PRICKLE1: variants seen among roughly 807,000 people sequenced by gnomAD.
The protein encoded by PRICKLE1 is prickle-like protein 1.
In PRICKLE1, 14 loss-of-function variants were observed where a neutral mutation model predicts 70.2. That is an observed-to-expected ratio of 0.20 (90% CI 0.13 to 0.31). PRICKLE1 has a LOEUF of 0.31. Among genes scored for constraint, PRICKLE1 ranks in the 10% least tolerant of loss-of-function variants. The pLI is 1.00. For synonymous variants in PRICKLE1, 357 were observed against 379.9 expected (o/e 0.94, Z 0.70); for missense variants, 821 against 1,026.2 (o/e 0.80, Z 2.73).
chr12:42,550,934 G>C (rs1194096044), intron 1 of PRICKLE1, among the ~76,000 whole-genome samples: 2 of 152,160 alleles, frequency 1.3e-5, no homozygotes, highest in African/African-American at 4.8e-5. Flanking sequence ...TGAGTGTTTG[G>C]TTAATTGCAA....
intron 1 of PRICKLE1, among the ~76,000 whole-genome samples, chr12:42,572,120 A>G (rs190647845): frequency 3.3e-5 from 5 of 152,258 alleles, no homozygotes; most frequent in African/African-American, 1.2e-4. Flanking sequence ...GGAACATTTA[A>G]GCACAGGAAC....
At chr12:42,560,814 AC>A (rs759402431) in intron 1 of PRICKLE1, among the ~76,000 whole-genome samples, 1 of 134,978 alleles carries the variant, frequency 7.4e-6, no homozygotes, top group Non-Finnish European at 1.6e-5. Flanking sequence ...ACACACACAC[AC>A]ACAAAACAAA....
chr12:42,521,175 T>TA (rs1939703337), intron 1 of PRICKLE1, among the ~76,000 whole-genome samples: 1 of 151,442 alleles, frequency 6.6e-6, no homozygotes, highest in African/African-American at 2.4e-5. Flanking sequence ...GACCCCGTCT[T>TA]AAAAAAAATA....
At chr12:42,507,357 T>C (rs1939438083) in intron 1 of PRICKLE1, among the ~76,000 whole-genome samples, 1 of 152,172 alleles carries the variant, frequency 6.6e-6, no homozygotes, top group Non-Finnish European at 1.5e-5. Context: ...ATTAAAACAA[T>C]GACTCTTACA....
chr12:42,553,406 T>C (rs988636616), intron 1 of PRICKLE1, among the ~76,000 whole-genome samples: 1 of 151,114 alleles, frequency 6.6e-6, no homozygotes, highest in African/African-American at 2.4e-5. Context: ...ATCACGCCAC[T>C]GCACTCCAGC....
intron 1 of PRICKLE1, among the ~76,000 whole-genome samples, chr12:42,523,099 T>C (rs1379591699): frequency 6.6e-6 from 1 of 152,066 alleles, no homozygotes; most frequent in Non-Finnish European, 1.5e-5. Context: ...GTAGCTGGGA[T>C]TACAGGCACC....
Position 42,528,930 on chromosome 12 carries a change from C to A in PRICKLE1, c.-48-56366G>T, listed in dbSNP as rs530673175. On this transcript the variant is annotated intron_variant, in intron 1 of 7. Coordinates refer to ENST00000345127, the MANE Select transcript of PRICKLE1 (RefSeq NM_153026.3). ...AATCCTTGTAGCACCTCAAATAATT[C>A]TTCATATGGAAACCAAAAGATGACT... 1.1e-4 allele frequency among the ~76,000 whole-genome samples: 16 copies of A among 152,294 alleles called. 1 individual carries two copies. The highest frequency in any genetic ancestry group is 3.6e-4 in the African/African-American group (15 of 41,570).
intron 1 of PRICKLE1, among the ~76,000 whole-genome samples, chr12:42,565,789 G>C (rs1330582229): frequency 6.6e-6 from 1 of 152,318 alleles, no homozygotes; most frequent in Non-Finnish European, 1.5e-5. Flanking sequence ...GGTGAGACAG[G>C]AGAGTGCTGA....
At chr12:42,582,678 A>G (rs1940922872) in intron 1 of PRICKLE1, among the ~76,000 whole-genome samples, 1 of 152,208 alleles carries the variant, frequency 6.6e-6, no homozygotes. Context: ...AAAGCAAAAC[A>G]ACATACCACA....
intron 1 of PRICKLE1, among the ~76,000 whole-genome samples, chr12:42,475,011 G>A (rs1220268135): frequency 1.3e-5 from 2 of 152,190 alleles, no homozygotes; most frequent in African/African-American, 4.8e-5. Flanking sequence ...TGTACTCCCT[G>A]ATTAGCCTTT....
intron 7 of PRICKLE1, among the ~76,000 whole-genome samples, chr12:42,463,329 G>A (rs879608505): frequency 6.6e-6 from 1 of 151,952 alleles, no homozygotes; most frequent in Non-Finnish European, 1.5e-5. Context: ...GGAAAAAAAA[G>A]AAAACATTAC....
chr12:42,498,069 T>C (rs899091721), intron 1 of PRICKLE1, among the ~76,000 whole-genome samples: 2 of 152,206 alleles, frequency 1.3e-5, no homozygotes, highest in African/African-American at 4.8e-5. Context: ...TCTTGAACTC[T>C]TAACTCTTAG....
At chr12:42,578,628 C>T (rs1431935510) in intron 1 of PRICKLE1, among the ~76,000 whole-genome samples, 4 of 115,722 alleles carry the variant, frequency 3.5e-5, no homozygotes, top group Non-Finnish European at 8.2e-5. Flanking sequence ...AACTCCACTT[C>T]AGCTGGGGGG....
intron 1 of PRICKLE1, among the ~76,000 whole-genome samples, chr12:42,588,207 G>C (rs1486382829): frequency 6.6e-6 from 1 of 152,136 alleles, no homozygotes; most frequent in East Asian, 1.9e-4. Context: ...TCTACACCTT[G>C]GGCCTGTCTG....
chr12:42,579,094 GCA>G (rs1311544281), intron 1 of PRICKLE1, among the ~76,000 whole-genome samples: 1 of 152,108 alleles, frequency 6.6e-6, no homozygotes, highest in Non-Finnish European at 1.5e-5. Flanking sequence ...CATTAAAATG[GCA>G]GTAGACAAAA....
chr12:42,534,477 A>T (rs975325702), intron 1 of PRICKLE1, among the ~76,000 whole-genome samples: 2 of 152,164 alleles, frequency 1.3e-5, no homozygotes, highest in Admixed American at 1.3e-4. Flanking sequence ...TATTATTATT[A>T]TCATTAACAA....
intron 1 of PRICKLE1, among the ~76,000 whole-genome samples, chr12:42,530,511 G>A (rs776124580): frequency 6.6e-6 from 1 of 151,862 alleles, no homozygotes; most frequent in Admixed American, 6.5e-5. Flanking sequence ...ACTACTCAGG[G>A]GATATGAGAG....
rs1219973739 is a variant in PRICKLE1, at chr12:42,458,454, A to G, written c.*1355T>C. On this transcript the variant is annotated 3_prime_UTR_variant, in exon 8 of 8. Coordinates refer to ENST00000345127, the MANE Select transcript of PRICKLE1 (RefSeq NM_153026.3). Reference sequence around the variant, plus strand: ...TGAGATGTATATGCAAGAGTGGCACATATCAAAATATCTGCTCATTGGTTC... The same window carrying G: ...TGAGATGTATATGCAAGAGTGGCACGTATCAAAATATCTGCTCATTGGTTC... 3 of 152,252 alleles carry G rather than the reference A, an allele frequency of 2.0e-5. No individual in the cohort carries two copies. Among genetic ancestry groups the G allele is most frequent in the Non-Finnish European group, 4.4e-5 (3 of 68,048 alleles). The allele number at this position is 152,252 out of a possible 1,614,324, so 9.4% of individuals were successfully genotyped here.
At chr12:42,485,239 G>GTTTTTTTTTTTTTTTTTTTTTTTTTTTTT (rs556218718) in intron 1 of PRICKLE1, 2 of 100,784 alleles carry the variant, frequency 2.0e-5, no homozygotes. Context: ...CAGCTGAGAA[G>GTTTTTTTTTTTTTTTTTTTTTTTTTTTTT]TTTTTTTTTT....
Sources: gnomAD v4.1 joint callset for allele counts (sites outside exome capture counted in the v4.1 genomes callset) on GRCh38, gnomAD v4.1.1 for gene constraint, MANE v1.5 for transcripts, NCBI Gene and HGNC (gene_info 2026-07-23, HGNC 2026-07-21) for gene names.